The following ANK3 variants were observed in gnomAD, a reference collection of about 807,000 sequenced individuals.
ANK3 encodes ankyrin 3.
Under a neutral mutation model 370.9 loss-of-function variants are expected in ANK3, and 57 were observed. The ratio of observed to expected loss-of-function variants is 0.15; its 90% CI spans 0.12 to 0.19. ANK3 has a LOEUF of 0.19. Among genes scored for constraint, ANK3 ranks in the 10% least tolerant of loss-of-function variants. The pLI is 1.00. For synonymous variants in ANK3, 1,929 were observed against 1,946.3 expected, an observed-to-expected ratio of 0.99 and a Z score of 0.23; for missense variants, 4,439 against 5,302.1, an observed-to-expected ratio of 0.84 and a Z score of 5.06.
chr10:60,164,380 T>C (rs191258317), intron 23 of ANK3, among the ~76,000 whole-genome samples: 1 of 152,182 alleles, frequency 6.6e-6, no homozygotes, highest in East Asian at 1.9e-4. Flanking sequence ...AAATATTGTG[T>C]TCAGTTCTGG....
chr10:60,182,984 C>T (rs555456535), intron 17 of ANK3, among the ~76,000 whole-genome samples: 1 of 152,188 alleles, frequency 6.6e-6, no homozygotes, highest in Non-Finnish European at 1.5e-5. Context: ...GTCACCTATT[C>T]TAAGTTTGAA....
intron 5 of ANK3, among the ~76,000 whole-genome samples, chr10:60,267,383 A>G (rs534080085): frequency 2.0e-5 from 3 of 152,284 alleles, no homozygotes; most frequent in African/African-American, 7.2e-5. Context: ...AAACATCTCT[A>G]GGTAATTAGA....
chr10:60,535,754 G>T (rs1332442566), intron 2 of ANK3, among the ~76,000 whole-genome samples: 1 of 151,862 alleles, frequency 6.6e-6, no homozygotes, highest in East Asian at 1.9e-4. Flanking sequence ...TATGCATAAA[G>T]TACAGATATA....
intron 1 of ANK3, among the ~76,000 whole-genome samples, chr10:60,363,183 G>C (rs1159885613): frequency 2.0e-5 from 3 of 152,112 alleles, no homozygotes; most frequent in Non-Finnish European, 4.4e-5. Context: ...TGCTTTTTTT[G>C]ATAAAGGCAC....
At chr10:60,140,016 G>A in intron 23 of ANK3, 1 of 332,344 alleles carries the variant, frequency 3.0e-6, no homozygotes, top group Non-Finnish European at 5.4e-6. Flanking sequence ...CACTGGCCAA[G>A]AGATTGCAAA....
intron 28 of ANK3, among the ~76,000 whole-genome samples, chr10:60,103,185 C>T (rs749183234): frequency 2.0e-5 from 3 of 152,108 alleles, no homozygotes; most frequent in South Asian, 4.1e-4. Context: ...CTCTTGACTT[C>T]GTGATCCACT....
intron 2 of ANK3, among the ~76,000 whole-genome samples, chr10:60,556,691 C>T (rs979416820): frequency 6.6e-6 from 1 of 152,126 alleles, no homozygotes; most frequent in African/African-American, 2.4e-5. Flanking sequence ...AGTAATAAAA[C>T]AGTAAAATAT....
At chr10:60,404,480 A>G (rs913772455) in intron 2 of ANK3, among the ~76,000 whole-genome samples, 1 of 152,192 alleles carries the variant, frequency 6.6e-6, no homozygotes, top group Non-Finnish European at 1.5e-5. Flanking sequence ...CAATTCAATC[A>G]GGAAAATCAT....
intron 1 of ANK3, among the ~76,000 whole-genome samples, chr10:60,307,585 C>T (rs1384915958): frequency 6.6e-6 from 1 of 151,902 alleles, no homozygotes; most frequent in Non-Finnish European, 1.5e-5. Context: ...AGCAATCCTC[C>T]TGCCTTGGCC....
At chr10:60,516,168 C>G (rs1185641139) in intron 2 of ANK3, among the ~76,000 whole-genome samples, 1 of 152,020 alleles carries the variant, frequency 6.6e-6, no homozygotes, top group Non-Finnish European at 1.5e-5. Flanking sequence ...GGTCACCTCC[C>G]TCCAACAGTC....
At chr10:60,698,533 A>C (rs2079497423) in intron 1 of ANK3, among the ~76,000 whole-genome samples, 1 of 149,884 alleles carries the variant, frequency 6.7e-6, no homozygotes, top group Admixed American at 6.6e-5. Context: ...CTGGATTAAG[A>C]AAATGTGGCA....
chr10:60,523,724 C>T (rs1488104086), intron 2 of ANK3, among the ~76,000 whole-genome samples: 1 of 151,938 alleles, frequency 6.6e-6, no homozygotes, highest in East Asian at 1.9e-4. Context: ...GTCTTTATAG[C>T]AGCATGATTT....
Position 60,071,186 on chromosome 10 carries a change from A to C in ANK3, c.9695T>G (p.Met3232Arg). ...TVEETAVERE[M>R]PNDVSKDSNQ... ...AGAGTCTTTGCTCACGTCATTAGGC[A>C]TTTCACGCTCAACTGCTGTTTCCTC... Residue 3232 changes from methionine (M) to arginine (R), a missense_variant, in exon 37 of 44, where the codon ATG (methionine) becomes AGG (arginine). This residue lies in a region of ANK3 where 1,601 missense variants were observed against 1,731.7 expected (regional missense o/e 0.92). Coordinates refer to ENST00000280772, the MANE Select transcript of ANK3 (RefSeq NM_020987.5). 1 of 1,614,092 alleles carries C rather than the reference A, an allele frequency of 6.2e-7. No homozygotes were observed. The highest frequency in any genetic ancestry group is 1.3e-5 in the African/African-American group (1 of 75,012).
At chr10:60,258,431 G>T (rs2097765157) in intron 7 of ANK3, among the ~76,000 whole-genome samples, 1 of 152,122 alleles carries the variant, frequency 6.6e-6, no homozygotes. Flanking sequence ...TGAAGGAAAG[G>T]TGTTATTGAA....
chr10:60,405,142 A>C (rs1174671644), intron 2 of ANK3, among the ~76,000 whole-genome samples: 1 of 152,158 alleles, frequency 6.6e-6, no homozygotes, highest in Non-Finnish European at 1.5e-5. Context: ...TAATACAAAC[A>C]CCTACCCTAT....
Position 60,641,362 on chromosome 10 carries a change from G to A in ANK3, c.58-26138C>T, listed in dbSNP as rs1367300425. ...AAAAGAACAAAGCTGGAGGCATCAC[G>A]CTACCCGACTTCAAACTGTACTACA... On this transcript the variant is annotated intron_variant, in intron 1 of 43. Transcript: ENST00000373827. Among the ~76,000 whole-genome samples the A allele has an allele frequency of 5.3e-5, 8 of 152,130 alleles. No homozygotes were observed. The East Asian group carries it at 1.6e-3, about 30-fold the overall frequency.
At chr10:60,462,456 G>A (rs977902382) in intron 2 of ANK3, among the ~76,000 whole-genome samples, 1 of 152,022 alleles carries the variant, frequency 6.6e-6, no homozygotes, top group Non-Finnish European at 1.5e-5. Flanking sequence ...AAGAGTTTAA[G>A]TATTTACAAT....
intron 2 of ANK3, among the ~76,000 whole-genome samples, chr10:60,420,950 C>A (rs889119705): frequency 1.3e-5 from 2 of 151,904 alleles, no homozygotes; most frequent in Admixed American, 1.3e-4. Flanking sequence ...TGGAAACAGC[C>A]CAACTGTTCA....
intron 38 of ANK3, among the ~76,000 whole-genome samples, chr10:60,065,015 A>C (rs1001232535): frequency 6.6e-6 from 1 of 152,220 alleles, no homozygotes; most frequent in Non-Finnish European, 1.5e-5. Context: ...GGTTTGTGCT[A>C]AGCAATCTTC....
Sources: allele counts gnomAD v4.1 joint callset (sites outside exome capture counted in the v4.1 genomes callset), GRCh38; gene constraint gnomAD v4.1.1; regional missense constraint gnomAD v4.1.1; transcripts MANE v1.5; gene names NCBI Gene and HGNC (gene_info 2026-07-23, HGNC 2026-07-21).